Variants in HS3ST4 observed in about 807,000 individuals in gnomAD.
HS3ST4 encodes the protein heparan sulfate-glucosamine 3-sulfotransferase 4.
In HS3ST4, 17 loss-of-function variants were observed where a neutral mutation model predicts 29.2. The observed-to-expected ratio is 0.58, with a 90% CI of 0.40 to 0.87. The LOEUF (loss-of-function observed/expected upper bound fraction) is 0.87, where lower values mean the gene tolerates loss of function less well. Among genes scored for constraint, HS3ST4 ranks in the 40% least tolerant of loss-of-function variants. The pLI, the probability that HS3ST4 is intolerant of heterozygous loss-of-function variation, is 0.00. For missense variants in HS3ST4, 627 were observed against 634.5 expected (o/e 0.99, Z 0.13); for synonymous variants, 314 against 285.7 (o/e 1.10, Z -1.00).
chr16:25,786,308 G>C (rs1966857633), intron 1 of HS3ST4, among the ~76,000 whole-genome samples: 1 of 152,146 alleles, frequency 6.6e-6, no homozygotes, highest in Admixed American at 6.5e-5. Flanking sequence ...TGGAGTCCAT[G>C]CTCTGAAACT....
At chr16:25,709,505 A>G (rs1260581563) in intron 1 of HS3ST4, among the ~76,000 whole-genome samples, 3 of 152,138 alleles carry the variant, frequency 2.0e-5, no homozygotes, top group African/African-American at 7.2e-5. Context: ...TTCAAATGCA[A>G]TCTTTCCCCG....
chr16:25,861,317 G>A (rs544558623), intron 1 of HS3ST4, among the ~76,000 whole-genome samples: 5 of 152,104 alleles, frequency 3.3e-5, no homozygotes, highest in African/African-American at 1.2e-4. Flanking sequence ...GGTTCTGCAA[G>A]TTCAGCTTAG....
At chr16:26,035,737 C>G (rs1969576986) in intron 1 of HS3ST4, among the ~76,000 whole-genome samples, 1 of 152,210 alleles carries the variant, frequency 6.6e-6, no homozygotes, top group African/African-American at 2.4e-5. Context: ...CTCTCCCTCA[C>G]TGCAGCCAGA....
intron 1 of HS3ST4, among the ~76,000 whole-genome samples, chr16:26,028,044 G>A (rs1166759097): frequency 6.6e-6 from 1 of 152,126 alleles, no homozygotes; most frequent in Non-Finnish European, 1.5e-5. Flanking sequence ...AGGCCGAGGT[G>A]GGTGGATCAC....
chr16:25,762,876 C>CAAAAAAAAAAAAAA (rs67260535), intron 1 of HS3ST4, among the ~76,000 whole-genome samples: 17 of 60,440 alleles, frequency 2.8e-4, no homozygotes, highest in South Asian at 1.2e-3. Context: ...GACCCTGTCT[C>CAAAAAAAAAAAAAA]AAAAAAAAAA....
At chr16:25,874,341 A>T (rs868267375) in intron 1 of HS3ST4, among the ~76,000 whole-genome samples, 15 of 152,180 alleles carry the variant, frequency 9.9e-5, no homozygotes, top group Admixed American at 6.6e-4. Context: ...AAGTGAAGAA[A>T]CAGGTCCAGA....
chr16:26,099,036 C>T (rs1042899894), intron 1 of HS3ST4, among the ~76,000 whole-genome samples: 5 of 152,116 alleles, frequency 3.3e-5, no homozygotes, highest in African/African-American at 9.7e-5. Context: ...GACTACAGAA[C>T]CCCAGACTCA....
chr16:26,031,947 G>A (rs1438123472), intron 1 of HS3ST4, among the ~76,000 whole-genome samples: 1 of 152,280 alleles, frequency 6.6e-6, no homozygotes, highest in South Asian at 2.1e-4. Context: ...CATTTAGCAT[G>A]GTGTTTAACA....
Position 25,755,600 on chromosome 16 carries a change from G to A in HS3ST4, c.734+62449G>A, listed in dbSNP as rs572899061. On this transcript the variant is annotated intron_variant, in intron 1 of 1. Transcript: ENST00000331351. ...CTGTAGCCTTTTGGCTTGCAGGTGT[G>A]CTTTCTTTACCTTGGCCCGAGGTTT... 5.6e-4 allele frequency among the ~76,000 whole-genome samples: 85 copies of A among 152,276 alleles called. 3 individuals are homozygous for A. In the South Asian group the frequency reaches 0.017, roughly 31 times the overall value.
At chr16:25,786,527 C>T (rs1966857914) in intron 1 of HS3ST4, among the ~76,000 whole-genome samples, 1 of 152,164 alleles carries the variant, frequency 6.6e-6, no homozygotes, top group South Asian at 2.1e-4. Context: ...AACTAAAATT[C>T]TAAGTGACCT....
intron 1 of HS3ST4, among the ~76,000 whole-genome samples, chr16:25,804,466 A>T (rs555740352): frequency 2.6e-5 from 4 of 152,042 alleles, no homozygotes; most frequent in Non-Finnish European, 4.4e-5. Context: ...CCCTTTCCCC[A>T]TTCAGCAAAT....
intron 1 of HS3ST4, among the ~76,000 whole-genome samples, chr16:25,801,919 A>G (rs1966939570): frequency 6.6e-6 from 1 of 150,704 alleles, no homozygotes; most frequent in African/African-American, 2.4e-5. Flanking sequence ...TGGATTTTAT[A>G]CTTAAATAAA....
chr16:25,985,688 G>A (rs1969054932), intron 1 of HS3ST4, among the ~76,000 whole-genome samples: 1 of 150,750 alleles, frequency 6.6e-6, no homozygotes, highest in African/African-American at 2.4e-5. Context: ...TTTTATTTCT[G>A]TTTATTTATT....
chr16:25,999,438 G>C lies in HS3ST4; in HGVS notation c.735-136174G>C, dbSNP rs1238217704. 1.6e-4 allele frequency among the ~76,000 whole-genome samples: 24 copies of C among 151,810 alleles called. 1 individual carries two copies. The highest frequency in any genetic ancestry group is 1.6e-3 in the Admixed American group (24 of 15,212). On this transcript the variant is annotated intron_variant, in intron 1 of 1. Transcript: ENST00000331351. ...ATTTGAATTTTGCTCTTCTTTTCTTGATTAGATGCGCAGATGTTTTTTCAG... is the reference window on the plus strand; with the variant it reads ...ATTTGAATTTTGCTCTTCTTTTCTTCATTAGATGCGCAGATGTTTTTTCAG...
intron 1 of HS3ST4, among the ~76,000 whole-genome samples, chr16:25,713,115 A>G (rs1966428485): frequency 6.6e-6 from 1 of 152,122 alleles, no homozygotes; most frequent in Non-Finnish European, 1.5e-5. Context: ...TTACATAGGT[A>G]TGTATACATG....
chr16:25,853,219 G>A (rs532092564), intron 1 of HS3ST4, among the ~76,000 whole-genome samples: 28 of 151,576 alleles, frequency 1.8e-4, no homozygotes, highest in South Asian at 4.2e-4. Flanking sequence ...ACTGATTTTC[G>A]TATGTTTATT....
rs528146743 is a variant in HS3ST4 at position 25,928,780 on chromosome 16, C to T, written c.735-206832C>T. ...CATGAGTTTGGGGTTCCTCATGACC[C>T]ACCTTGGGACATGAGCATTCTCGAA... is the stretch of plus-strand genomic sequence containing the variant. On this transcript the variant is annotated intron_variant, in intron 1 of 1. Coordinates refer to ENST00000331351, the MANE Select transcript of HS3ST4 (RefSeq NM_006040.3). Among the ~76,000 whole-genome samples, 11 of 152,270 alleles carry T rather than the reference C, an allele frequency of 7.2e-5. No individual in the cohort carries two copies. The East Asian group carries it at 1.4e-3, about 19-fold the overall frequency.
At chr16:25,849,489 G>A (rs1020062846) in intron 1 of HS3ST4, among the ~76,000 whole-genome samples, 4 of 151,880 alleles carry the variant, frequency 2.6e-5, no homozygotes, top group Non-Finnish European at 5.9e-5. Context: ...TTTCTTTAGC[G>A]CTTCTTTTTC....
At chr16:25,813,199 A>G (rs1191245979) in intron 1 of HS3ST4, among the ~76,000 whole-genome samples, 2 of 152,252 alleles carry the variant, frequency 1.3e-5, no homozygotes, top group Non-Finnish European at 2.9e-5. Flanking sequence ...GATGTTCAAT[A>G]TCATTAATCA....
Sources: gnomAD v4.1 joint callset for allele counts (sites outside exome capture counted in the v4.1 genomes callset) on GRCh38, gnomAD v4.1.1 for gene constraint, MANE v1.5 for transcripts, NCBI Gene and HGNC (gene_info 2026-07-23, HGNC 2026-07-21) for gene names.